Variants in CMC2 observed in about 807,000 individuals in gnomAD.
CMC2 encodes the protein COX assembly mitochondrial protein 2 homolog.
Under a neutral mutation model 7.5 loss-of-function variants are expected in CMC2, and 5 were observed. The observed-to-expected ratio is 0.66, with a 90% confidence interval of 0.35 to 1.40. The LOEUF is 1.40. Ranked by LOEUF, CMC2 falls within the 40% of genes most tolerant of loss-of-function variation. CMC2 has a pLI of 0.04. For synonymous variants in CMC2, 37 were observed against 31.4 expected (o/e 1.18, Z -0.60); for missense variants, 115 against 92.3 (o/e 1.25, Z -1.01).
At chr16:80,977,358 T>A (rs962409011) in intron 3 of CMC2, among the ~76,000 whole-genome samples, 1 of 152,218 alleles carries the variant, frequency 6.6e-6, no homozygotes, top group East Asian at 1.9e-4. Context: ...TTTTTATATG[T>A]ATATATGTAC....
At chr16:81,006,522 G>C (rs906184578) in intron 1 of CMC2, 5 of 184,220 alleles carry the variant, frequency 2.7e-5, no homozygotes, top group Non-Finnish European at 5.1e-5. Context: ...GCCTGTCTCG[G>C]CCACCAGCGT....
In CMC2 at chr16:81,003,032, C is replaced by G. The variant is rs181998267; in HGVS notation, c.-36+3702G>C. On this transcript the variant is annotated intron_variant, in intron 1 of 3. Transcript: ENST00000219400. ...ATTTTTAGCTAGATATGTTCTTCCT[C>G]CCCTTGCCCTCTACCTACCCGTCAC... Among the ~76,000 whole-genome samples, 20 of 152,304 alleles carry G rather than the reference C, an allele frequency of 1.3e-4. No individual in the cohort carries two copies. In the East Asian group the frequency reaches 3.9e-3, roughly 29 times the overall value.
rs1352643974 is a variant in CMC2, at chr16:80,967,002, A to T, written c.*9091T>A. 1 of 152,252 alleles carries T rather than the reference A, an allele frequency of 6.6e-6. No individual in the cohort carries two copies. The highest frequency in any genetic ancestry group is 1.5e-5 in the Non-Finnish European group (1 of 68,040). The allele number at this position is 152,252 out of a possible 1,614,324, so 9.4% of individuals were successfully genotyped here. Reference sequence around the variant, plus strand: ...TACAGAAAAAGAAAATGTAAATTTTAAAGTCCTTTGGGCTACTTCAACACT... The same window carrying T: ...TACAGAAAAAGAAAATGTAAATTTTTAAGTCCTTTGGGCTACTTCAACACT... On this transcript the variant is annotated 3_prime_UTR_variant, in exon 4 of 4. Coordinates refer to ENST00000219400, the MANE Select transcript of CMC2 (RefSeq NM_020188.5).
chr16:80,985,864 G>T lies in CMC2; in HGVS notation c.82-3987C>A, dbSNP rs139103950. On this transcript the variant is annotated intron_variant, in intron 2 of 3. Transcript: ENST00000219400. Reference sequence around the variant, plus strand: ...TAAGCTCAGCAAAGGAAAAATCAAGGCTTGGAAGACAGAAATATCATTCTC... The same window carrying T: ...TAAGCTCAGCAAAGGAAAAATCAAGTCTTGGAAGACAGAAATATCATTCTC... Among the ~76,000 whole-genome samples, 301 of 132,934 alleles carry T rather than the reference G, an allele frequency of 2.3e-3. 2 individuals are homozygous for T. The highest frequency in any genetic ancestry group is 4.7e-3 in the Middle Eastern group (1 of 214). The allele number at this position is 132,934 out of a possible 152,430, so 87.2% of individuals were successfully genotyped here.
rs778193287 is a variant in CMC2, at chr16:80,971,584, A to ATATATGTGTG, written c.*4508_*4509insCACACATATA. 26 of 139,580 alleles carry ATATATGTGTG rather than the reference A, an allele frequency of 1.9e-4. No individual in the cohort carries two copies. In the East Asian group the frequency reaches 3.5e-3, roughly 19 times the overall value. The allele number at this position is 139,580 out of a possible 1,614,324, so 8.6% of individuals were successfully genotyped here. A position where few individuals can be genotyped will look rare whatever the true frequency, so the allele number is the denominator to read the frequency against. ...ACATTTTATATATATATATATATAT[A>ATATATGTGTG]TGTATGAAATCATGCATATATATAT... On this transcript the variant is annotated 3_prime_UTR_variant, in exon 4 of 4. Coordinates refer to ENST00000219400, the MANE Select transcript of CMC2 (RefSeq NM_020188.5).
At chr16:80,985,983 G>A (rs1967499421) in intron 2 of CMC2, among the ~76,000 whole-genome samples, 1 of 151,196 alleles carries the variant, frequency 6.6e-6, no homozygotes. Context: ...TCAAGGATGA[G>A]TTTCATTAAG....
chr16:80,998,004 A>C (rs1261473220), intron 1 of CMC2: 1 of 152,178 alleles, frequency 6.6e-6, no homozygotes, highest in Non-Finnish European at 1.5e-5. Flanking sequence ...TACACTGAAA[A>C]CATGAAGCTG....
At chr16:80,986,630 G>A (rs532983426) in intron 2 of CMC2, among the ~76,000 whole-genome samples, 40 of 152,360 alleles carry the variant, frequency 2.6e-4, no homozygotes, top group African/African-American at 8.7e-4. Flanking sequence ...AGTGGCACTG[G>A]CAAAGGAGAA....
At chr16:80,995,206 A>G (rs1203570911) in intron 2 of CMC2, among the ~76,000 whole-genome samples, 1 of 149,080 alleles carries the variant, frequency 6.7e-6, no homozygotes, top group East Asian at 2.0e-4. Flanking sequence ...GCACAGCTGC[A>G]AACTGTTTAT....
At chr16:80,979,402 CAG>C (rs1354859203) in intron 3 of CMC2, among the ~76,000 whole-genome samples, 1 of 151,942 alleles carries the variant, frequency 6.6e-6, no homozygotes, top group Non-Finnish European at 1.5e-5. Flanking sequence ...AAGTCACTAA[CAG>C]ATCTCAGGCC....
Position 80,969,219 on chromosome 16 carries a change from AT to A in CMC2, c.*6873del, listed in dbSNP as rs1432583846. On this transcript the variant is annotated 3_prime_UTR_variant, in exon 4 of 4. Coordinates refer to ENST00000219400, the MANE Select transcript of CMC2 (RefSeq NM_020188.5). ...AATTAGGTTAAAATGTAACCCTCAT[AT>A]CCCAAAATACAAATGAGTGAGGTGA... 6.6e-6 allele frequency: 1 copy of A among 152,228 alleles called. No individual in the cohort carries two copies. Among genetic ancestry groups the A allele is most frequent in the Non-Finnish European group, 1.5e-5 (1 of 68,048 alleles). The allele number at this position is 152,228 out of a possible 1,614,324, so 9.4% of individuals were successfully genotyped here. A position where few individuals can be genotyped will look rare whatever the true frequency, so the allele number is the denominator to read the frequency against.
chr16:80,985,048 T>C (rs899871106), intron 2 of CMC2, among the ~76,000 whole-genome samples: 2 of 152,088 alleles, frequency 1.3e-5, no homozygotes, highest in African/African-American at 4.8e-5. Flanking sequence ...ACCTTTTACA[T>C]AAAGAACAAT....
chr16:81,004,372 T>C (rs1969087412), intron 1 of CMC2, among the ~76,000 whole-genome samples: 1 of 152,228 alleles, frequency 6.6e-6, no homozygotes, highest in Non-Finnish European at 1.5e-5. Flanking sequence ...TTAATTCCAG[T>C]GCAGACCCCA....
chr16:80,978,961 G>A (rs1334048213), intron 3 of CMC2, among the ~76,000 whole-genome samples: 2 of 152,040 alleles, frequency 1.3e-5, no homozygotes, highest in Non-Finnish European at 2.9e-5. Flanking sequence ...GGCACCTGTA[G>A]TCCCAGTTAC....
chr16:80,989,519 T>C (rs1389115765), intron 2 of CMC2, among the ~76,000 whole-genome samples: 2 of 152,202 alleles, frequency 1.3e-5, no homozygotes, highest in African/African-American at 4.8e-5. Context: ...TGGTACAAGA[T>C]GTTGCAGGTT....
At chr16:80,986,849 C>G (rs1216588170) in intron 2 of CMC2, among the ~76,000 whole-genome samples, 1 of 152,182 alleles carries the variant, frequency 6.6e-6, no homozygotes, top group Non-Finnish European at 1.5e-5. Flanking sequence ...TGAGATAAAC[C>G]TGGAACTCAG....
intron 2 of CMC2, among the ~76,000 whole-genome samples, chr16:80,992,714 T>TG (rs1248581117): frequency 1.6e-4 from 12 of 76,496 alleles, no homozygotes; most frequent in South Asian, 7.3e-4. Context: ...CCTTTTTTTT[T>TG]TTTTTTTTGT....
Position 80,994,943 on chromosome 16 carries a change from C to T in CMC2, c.81+2371G>A, listed in dbSNP as rs535626995. 2.6e-5 allele frequency among the ~76,000 whole-genome samples: 4 copies of T among 152,020 alleles called. No homozygotes were observed. The East Asian group carries it at 5.8e-4, about 22-fold the overall frequency. On this transcript the variant is annotated intron_variant, in intron 2 of 3. Transcript: ENST00000219400. Reference sequence around the variant, plus strand: ...GGTGGATCACCTGAGATCAGGAGTTCGAGACCAGCCTGACCAACATAATGA... The same window carrying T: ...GGTGGATCACCTGAGATCAGGAGTTTGAGACCAGCCTGACCAACATAATGA...
intron 2 of CMC2, among the ~76,000 whole-genome samples, chr16:80,990,480 G>T (rs982501069): frequency 6.6e-6 from 1 of 151,812 alleles, no homozygotes; most frequent in Non-Finnish European, 1.5e-5. Context: ...AAAAGATTTT[G>T]TAAAAGTGTC....
Sources: allele counts gnomAD v4.1 joint callset (sites outside exome capture counted in the v4.1 genomes callset), GRCh38; gene constraint gnomAD v4.1.1; transcripts MANE v1.5; gene names NCBI Gene and HGNC (gene_info 2026-07-23, HGNC 2026-07-21).